Variants in CLK3 observed in about 807,000 individuals in gnomAD.
CLK3 encodes CDC like kinase 3.
In CLK3, 24 loss-of-function variants were observed where a neutral mutation model predicts 65.2. The ratio of observed to expected loss-of-function variants is 0.37; its 90% CI spans 0.27 to 0.52. CLK3 has a LOEUF of 0.52. Among genes scored for constraint, CLK3 ranks in the 20% least tolerant of loss-of-function variants. The pLI is 0.92. For synonymous variants in CLK3, 252 were observed against 240.8 expected, an observed-to-expected ratio of 1.05 and a Z score of -0.43; for missense variants, 506 against 660.0, an observed-to-expected ratio of 0.77 and a Z score of 2.56.
upstream of CLK3, chr15:74,615,471 C>T: frequency 1.5e-6 from 2 of 1,315,236 alleles, no homozygotes; most frequent in Admixed American, 3.8e-5. Context: ...GTCCTCTCCG[C>T]GCGCAGGAGG....
intron 1 of CLK3, among the ~76,000 whole-genome samples, chr15:74,609,039 C>A (rs527356207): frequency 6.6e-6 from 1 of 152,366 alleles, no homozygotes; most frequent in Non-Finnish European, 1.5e-5. Context: ...CCCCCAACAC[C>A]ATCTGCTCTC....
Position 74,625,709 on chromosome 15 carries a change from C to G in CLK3, c.651-93C>G, listed in dbSNP as rs904063523. On this transcript the variant is annotated intron_variant, in intron 6 of 12. Coordinates refer to ENST00000395066, the MANE Select transcript of CLK3 (RefSeq NM_001130028.2). ...GCATTCTGGTGTGTGACCCGGTGGC[C>G]TAGGAGAGAGTTGGGAACTGTCTTC... is the stretch of plus-strand genomic sequence containing the variant. 3 of 1,382,472 alleles carry G rather than the reference C, an allele frequency of 2.2e-6. No individual in the cohort carries two copies. In the African/African-American group the frequency reaches 4.3e-5, roughly 20 times the overall value. 85.6% of individuals were successfully genotyped at this position (1,382,472 alleles called of 1,614,324 possible).
upstream of CLK3, among the ~76,000 whole-genome samples, chr15:74,612,279 C>T (rs913117723): frequency 6.6e-6 from 1 of 152,176 alleles, no homozygotes; most frequent in Non-Finnish European, 1.5e-5. Context: ...GGGGTCAGAG[C>T]CCTTAAGTCA....
At chr15:74,618,157 A>G (rs1452578140) in intron 1 of CLK3, among the ~76,000 whole-genome samples, 1 of 152,198 alleles carries the variant, frequency 6.6e-6, no homozygotes, top group Non-Finnish European at 1.5e-5. Flanking sequence ...AGGACTGACC[A>G]TGACTGGAGG....
Position 74,619,307 on chromosome 15 carries a change from G to C in CLK3, c.111G>C (p.Pro37=), listed in dbSNP as rs142017053. 1.1e-5 allele frequency: 18 copies of C among 1,614,020 alleles called. No individual in the cohort carries two copies. The highest frequency in any genetic ancestry group is 1.7e-5 in the Admixed American group (1 of 60,004). The change falls in exon 2 of 13, where the codon CCG becomes CCC. Residue 37 remains proline, a synonymous_variant. Coordinates refer to ENST00000395066, the MANE Select transcript of CLK3 (RefSeq NM_001130028.2). Reference sequence around the variant, plus strand: ...AACATGAAGGGAGACTGCGATACCCGTCCCGAAGGGAGCCTCCCCCACGAA... The same window carrying C: ...AACATGAAGGGAGACTGCGATACCCCTCCCGAAGGGAGCCTCCCCCACGAA... The part of the protein sequence containing the change: ...SREHEGRLRY[P]SRREPPPRRS...
At chr15:74,623,092 G>C (rs987166615) in intron 5 of CLK3, among the ~76,000 whole-genome samples, 1 of 152,208 alleles carries the variant, frequency 6.6e-6, no homozygotes, top group South Asian at 2.1e-4. Context: ...GGTCTCCGCT[G>C]AGTGTGCCTG....
At chr15:74,609,053 G>T (rs2061950855) in intron 1 of CLK3, among the ~76,000 whole-genome samples, 1 of 152,206 alleles carries the variant, frequency 6.6e-6, no homozygotes, top group Admixed American at 6.5e-5. Flanking sequence ...TGCTCTCCCT[G>T]CAGATGCTGC....
intron 1 of CLK3, among the ~76,000 whole-genome samples, chr15:74,609,812 A>T (rs1256252470): frequency 6.6e-6 from 1 of 152,218 alleles, no homozygotes; most frequent in Non-Finnish European, 1.5e-5. Context: ...CTTCCAGACC[A>T]CACTGGGGTG....
chr15:74,619,526 C>T (rs1447997893), intron 2 of CLK3, among the ~76,000 whole-genome samples, 178 bp downstream of exon 2: 4 of 152,158 alleles, frequency 2.6e-5, no homozygotes, highest in Non-Finnish European at 4.4e-5. Flanking sequence ...CAGTAGCTAC[C>T]ATCCTTGCCG....
upstream of CLK3, chr15:74,615,191 G>A: frequency 2.6e-6 from 1 of 386,142 alleles, no homozygotes; most frequent in Non-Finnish European, 4.6e-6. Flanking sequence ...GCAGGAAGCC[G>A]CTCCACAGGA....
chr15:74,614,159 G>A (rs1259546567), upstream of CLK3, among the ~76,000 whole-genome samples: 11 of 152,132 alleles, frequency 7.2e-5, no homozygotes, highest in Non-Finnish European at 1.5e-4. Flanking sequence ...GACTACAGGC[G>A]CGTGCCACCA....
At chr15:74,620,694 A>G (rs1954574198) in intron 3 of CLK3, 3 of 159,888 alleles carry the variant, frequency 1.9e-5, no homozygotes, top group Admixed American at 6.2e-5. Flanking sequence ...ACCCCTTCCC[A>G]AAGGCCCCCA....
intron 6 of CLK3, among the ~76,000 whole-genome samples, chr15:74,625,381 C>T (rs1187963956): frequency 6.6e-6 from 1 of 152,178 alleles, no homozygotes; most frequent in Non-Finnish European, 1.5e-5. Context: ...CTGTGCTGAG[C>T]CTGGGCAGAT....
chr15:74,615,216 A>AG, upstream of CLK3: 1 of 397,958 alleles, frequency 2.5e-6, no homozygotes. Flanking sequence ...GCTCAAGGAG[A>AG]GGGGATCTCC....
intron 12 of CLK3, 62 bp from the exon 13 acceptor site, chr15:74,629,645 G>C: frequency 2.8e-6 from 4 of 1,426,886 alleles, no homozygotes; most frequent in Non-Finnish European, 2.9e-6. Flanking sequence ...AGAGGCAAGG[G>C]GACCTGCTGT....
At chr15:74,616,031 C>T (rs920292120) in intron 1 of CLK3, 133 bp downstream of exon 1, 10 of 678,200 alleles carry the variant, frequency 1.5e-5, no homozygotes, top group Admixed American at 1.3e-4. Flanking sequence ...CATATCGGGC[C>T]GCGACCTCTC....
upstream of CLK3, chr15:74,615,756 C>T: frequency 5.6e-6 from 7 of 1,239,334 alleles, no homozygotes; most frequent in Non-Finnish European, 7.1e-6. Flanking sequence ...GCGGCCAGGC[C>T]TCCGAGCCGG....
chr15:74,611,449 C>T (rs2061988575), upstream of CLK3, among the ~76,000 whole-genome samples: 1 of 152,252 alleles, frequency 6.6e-6, no homozygotes, highest in Non-Finnish European at 1.5e-5. Context: ...AGCTTGTGCT[C>T]CCGCCTCTGC....
intron 1 of CLK3, among the ~76,000 whole-genome samples, chr15:74,609,701 T>C (rs1434715742): frequency 6.6e-6 from 1 of 152,270 alleles, no homozygotes; most frequent in Non-Finnish European, 1.5e-5. Context: ...CCGAAGCTCC[T>C]GGGCCCTGCC....
Sources: allele counts gnomAD v4.1 joint callset (sites outside exome capture counted in the v4.1 genomes callset), GRCh38; gene constraint gnomAD v4.1.1; transcripts MANE v1.5; gene names NCBI Gene and HGNC (gene_info 2026-07-23, HGNC 2026-07-21).